ADAMTSL2: variants seen among roughly 807,000 people sequenced by gnomAD.
ADAMTSL2 encodes the protein ADAMTS-like protein 2.
ADAMTSL2 carries 55 observed loss-of-function variants against 117.0 expected under a neutral mutation model. That is an observed-to-expected ratio of 0.47 (90% CI 0.38 to 0.59). ADAMTSL2 has a LOEUF of 0.59. Ranked by LOEUF, ADAMTSL2 falls within the 20% of genes least tolerant of loss-of-function variation. The pLI is 0.00. For synonymous variants in ADAMTSL2, 572 were observed against 566.4 expected (o/e 1.01, Z -0.14); for missense variants, 1,182 against 1,354.5 (o/e 0.87, Z 2.00).
chr9:133,565,056 A>C (rs1266384261), intron 12 of ADAMTSL2, among the ~76,000 whole-genome samples: 1 of 152,124 alleles, frequency 6.6e-6, no homozygotes, highest in African/African-American at 2.4e-5. Flanking sequence ...CTCAGGTCAT[A>C]GGTGGAAGTT....
At chr9:133,567,844 C>T (rs994420233) in intron 13 of ADAMTSL2, among the ~76,000 whole-genome samples, 22 of 152,308 alleles carry the variant, frequency 1.4e-4, no homozygotes, top group African/African-American at 5.3e-4. Context: ...TTCCGGGTCT[C>T]ACTCATAACC....
At chr9:133,560,534 G>A (rs1379605884) in intron 11 of ADAMTSL2, among the ~76,000 whole-genome samples, 1 of 152,256 alleles carries the variant, frequency 6.6e-6, no homozygotes, top group Non-Finnish European at 1.5e-5. Flanking sequence ...CCTAACAATA[G>A]TTGGCTTTGG....
intron 5 of ADAMTSL2, 113 bp downstream of exon 5, chr9:133,539,986 G>A (rs1830172483): frequency 1.0e-6 from 1 of 995,976 alleles, no homozygotes; most frequent in Admixed American, 2.0e-5. Flanking sequence ...AATGGAGGTG[G>A]TCAGACGAAG....
chr9:133,539,038 C>A (rs980927072), intron 4 of ADAMTSL2, among the ~76,000 whole-genome samples: 6 of 152,156 alleles, frequency 3.9e-5, no homozygotes, highest in Non-Finnish European at 8.8e-5. Context: ...GTGTGGCTTG[C>A]CTGGGCAGGG....
chr9:133,546,464 G>A (rs1439343408), intron 8 of ADAMTSL2, among the ~76,000 whole-genome samples: 3 of 152,156 alleles, frequency 2.0e-5, no homozygotes, highest in Admixed American at 6.5e-5. Context: ...CTGGGTGCAC[G>A]GGTTGACTGG....
At chr9:133,571,260 C>T (rs1289747923) in intron 17 of ADAMTSL2, among the ~76,000 whole-genome samples, 1 of 152,150 alleles carries the variant, frequency 6.6e-6, no homozygotes, top group Non-Finnish European at 1.5e-5. Flanking sequence ...CTGGCCCACT[C>T]GGGGTCCCAC....
Position 133,555,699 on chromosome 9 carries a change from C to A in ADAMTSL2, c.1418C>A (p.Thr473Asn). ...GCAGGCTCTGACTTGAAGGACTTCA[C>A]CCTCAATGAGACTGTGAACAGCATC... Reference protein sequence around the residue: ...LGAGSDLKDFTLNETVNSIFA... With the variant: ...LGAGSDLKDFNLNETVNSIFA... The change falls in exon 11 of 19, where the codon ACC (threonine) becomes AAC (asparagine). Residue 473 changes from threonine (T) to asparagine (N), a missense_variant. This residue lies in a region of ADAMTSL2 where 345 missense variants were observed against 325.8 expected (regional missense o/e 1.06). Transcript: ENST00000651351. 2 of 1,613,982 alleles carry A rather than the reference C, an allele frequency of 1.2e-6. No homozygotes were observed. Among genetic ancestry groups the A allele is most frequent in the Non-Finnish European group, 1.7e-6 (2 of 1,180,044 alleles).
chr9:133,554,888 A>C lies in ADAMTSL2; in HGVS notation c.1276+195A>C, dbSNP rs953439111. Reference sequence around the variant, plus strand: ...GGTCCTTCTGTCCATGCATTCTTTGAGGTAGATGTGGTTATCCCCATTTGA... The same window carrying C: ...GGTCCTTCTGTCCATGCATTCTTTGCGGTAGATGTGGTTATCCCCATTTGA... On this transcript the variant is annotated intron_variant, in intron 10 of 18. Transcript: ENST00000651351. This position sits in a 1 kb window ranked among gnomAD's most constrained non-coding sequence, Gnocchi z 5.2. 1.3e-5 allele frequency among the ~76,000 whole-genome samples: 2 copies of C among 152,104 alleles called. No homozygotes were observed. Among genetic ancestry groups the C allele is most frequent in the Non-Finnish European group, 2.9e-5 (2 of 68,014 alleles).
chr9:133,542,280 G>T (rs1333444533), intron 7 of ADAMTSL2, among the ~76,000 whole-genome samples: 1 of 152,198 alleles, frequency 6.6e-6, no homozygotes, highest in East Asian at 1.9e-4. Context: ...ATGCGGGCTG[G>T]GTGTCCAGCA....
At chr9:133,544,832 C>T (rs962899691) in intron 8 of ADAMTSL2, among the ~76,000 whole-genome samples, 3 of 152,106 alleles carry the variant, frequency 2.0e-5, no homozygotes, top group Admixed American at 6.5e-5. Context: ...CCCTGTCACT[C>T]GAGAGCCTGG....
At chr9:133,546,981 A>G in intron 8 of ADAMTSL2, 57 bp from the exon 9 acceptor site, 6 of 1,581,924 alleles carry the variant, frequency 3.8e-6, no homozygotes, top group Non-Finnish European at 5.2e-6. Flanking sequence ...AGTTGGTGAC[A>G]CTGGCTCCTC....
At chr9:133,533,614 T>G (rs1829985195), upstream of ADAMTSL2, among the ~76,000 whole-genome samples, 2 of 152,190 alleles carry the variant, frequency 1.3e-5, no homozygotes, top group South Asian at 4.1e-4. Context: ...TACTGGTGGC[T>G]TTCCTTCCCA....
chr9:133,570,131 T>C (rs1262381167), intron 16 of ADAMTSL2, among the ~76,000 whole-genome samples, 200 bp from the exon 17 acceptor site: 1 of 152,284 alleles, frequency 6.6e-6, no homozygotes, highest in Non-Finnish European at 1.5e-5. Flanking sequence ...CAGATGGTTA[T>C]GTGCTAAATT....
chr9:133,537,657 C>T lies in ADAMTSL2; in HGVS notation c.233+110C>T, dbSNP rs539124993. On this transcript the variant is annotated intron_variant, in intron 3 of 18. Transcript: ENST00000651351. ...TGGCTTCTCCCCCTGGGAGGGCTCT[C>T]GGGTTGGGGGCAGCACAGGCTGAGT... 10 of 1,196,344 alleles carry T rather than the reference C, an allele frequency of 8.4e-6. 1 individual carries two copies. The highest frequency in any genetic ancestry group is 3.1e-5 in the East Asian group (1 of 32,452). 74.1% of individuals were successfully genotyped at this position (1,196,344 alleles called of 1,614,324 possible). A position where few individuals can be genotyped will look rare whatever the true frequency, so the allele number is the denominator to read the frequency against.
chr9:133,534,792 A>G lies in ADAMTSL2; in HGVS notation c.-276A>G. 1 of 1,481,426 alleles carries G rather than the reference A, an allele frequency of 6.8e-7. No individual in the cohort carries two copies. The highest frequency in any genetic ancestry group is 9.0e-7 in the Non-Finnish European group (1 of 1,110,676). 91.8% of individuals were successfully genotyped at this position (1,481,426 alleles called of 1,614,324 possible). The stretch of plus-strand genomic sequence containing the variant: ...CGGCGCGGGGGAGGAGGGGAAGGGG[A>G]GAGGGAGGCCGGGCCGCAGCCTCTG... On this transcript the variant is annotated 5_prime_UTR_variant, in exon 1 of 19. Transcript: ENST00000651351.
At chr9:133,568,942 C>T (rs1162911083) in intron 15 of ADAMTSL2, among the ~76,000 whole-genome samples, 184 bp downstream of exon 15, 4 of 152,154 alleles carry the variant, frequency 2.6e-5, no homozygotes, top group Non-Finnish European at 5.9e-5. Flanking sequence ...GCCAGCATCA[C>T]CTTCCCTCTA....
intron 13 of ADAMTSL2, among the ~76,000 whole-genome samples, chr9:133,567,304 C>T (rs1244589815): frequency 2.0e-5 from 3 of 152,218 alleles, no homozygotes; most frequent in Non-Finnish European, 2.9e-5. Context: ...TGCTTGCCAC[C>T]GCAGATTTAG....
intron 7 of ADAMTSL2, among the ~76,000 whole-genome samples, chr9:133,542,972 G>A (rs1213306515): frequency 4.0e-5 from 6 of 151,628 alleles, no homozygotes; most frequent in Non-Finnish European, 8.8e-5. Flanking sequence ...TTTTGAGACG[G>A]AGTTTTGTTC....
Position 133,558,582 on chromosome 9 carries a change from G to A in ADAMTSL2, c.1650-2616G>A, listed in dbSNP as rs983386983. Among the ~76,000 whole-genome samples the A allele has an allele frequency of 3.6e-4, 55 of 152,320 alleles. No individual in the cohort carries two copies. The East Asian group carries it at 6.4e-3, about 18-fold the overall frequency. ...TTCTGGCTTGTTTATAAACAAACAC[G>A]GTGGCTTCAGAGCTTCTCCTGCCTG... On this transcript the variant is annotated intron_variant, in intron 11 of 18. Transcript: ENST00000651351. The surrounding 1 kb of genome is among the most constrained non-coding windows in gnomAD (Gnocchi z 4.3).
Sources: gnomAD v4.1 joint callset for allele counts (sites outside exome capture counted in the v4.1 genomes callset) on GRCh38, gnomAD v4.1.1 for gene constraint, gnomAD v4.1.1 regional missense constraint, Gnocchi (gnomAD v3.1) non-coding constraint, MANE v1.5 for transcripts, NCBI Gene and HGNC (gene_info 2026-07-23, HGNC 2026-07-21) for gene names.